Variants in SPATA32 observed in about 807,000 individuals in gnomAD.
SPATA32 encodes spermatogenesis-associated protein 32.
Under a neutral mutation model 35.4 loss-of-function variants are expected in SPATA32, and 28 were observed. The ratio of observed to expected loss-of-function variants is 0.79; its 90% CI spans 0.59 to 1.09. The LOEUF is 1.09. SPATA32 is among the 50% of genes least tolerant of loss of function. The probability of loss-of-function intolerance (pLI) is 0.00; values close to 1 mark genes in which losing one functional copy is unlikely to be tolerated. For synonymous variants in SPATA32, 168 were observed against 196.3 expected, an observed-to-expected ratio of 0.86 and a Z score of 1.20; for missense variants, 409 against 475.9, an observed-to-expected ratio of 0.86 and a Z score of 1.31.
intron 1 of SPATA32, 120 bp from the exon 2 acceptor site, chr17:45,257,327 C>G (rs1425773142): frequency 2.7e-6 from 3 of 1,093,614 alleles, no homozygotes; most frequent in Non-Finnish European, 2.7e-6. Flanking sequence ...GCTATTCCCC[C>G]TCACCGTCCT....
intron 2 of SPATA32, 69 bp downstream of exon 2, chr17:45,257,084 G>A: frequency 6.5e-7 from 1 of 1,543,898 alleles, no homozygotes; most frequent in Non-Finnish European, 8.9e-7. Context: ...GGGATCCTAG[G>A]CTGGGGGTGA....
At position 45,256,153 on chromosome 17, in the gene SPATA32, GC is replaced by G; in HGVS notation, c.109-81del. 6.8e-7 allele frequency: 1 copy of G among 1,469,720 alleles called. No individual in the cohort carries two copies. The highest frequency in any genetic ancestry group is 9.3e-7 in the Non-Finnish European group (1 of 1,074,932). The allele number at this position is 1,469,720 out of a possible 1,614,324, so 91.0% of individuals were successfully genotyped here. ...AGGCCCTCCCTGGCACCGAGTCCCT[GC>G]CCCACCCCTGCCCTGGGTCCTGCTG... On this transcript the variant is annotated intron_variant, in intron 3 of 4. Transcript: ENST00000331780. This position sits in a 1 kb window ranked among gnomAD's most constrained non-coding sequence, Gnocchi z 4.7.
intron 4 of SPATA32, 108 bp from the exon 5 acceptor site, chr17:45,254,621 G>T: frequency 1.1e-6 from 1 of 876,164 alleles, no homozygotes; most frequent in Non-Finnish European, 1.9e-6. Flanking sequence ...GGGGTCTTCT[G>T]CTGCTGCCCG....
chr17:45,261,620 A>AG (rs1272391616), intron 1 of SPATA32, among the ~76,000 whole-genome samples: 1 of 152,260 alleles, frequency 6.6e-6, no homozygotes. Context: ...AGCATCAAGG[A>AG]GGGACAACTG....
Position 45,262,009 on chromosome 17 carries a change from A to G in SPATA32, c.8T>C (p.Val3Ala). 1 of 1,311,410 alleles carries G rather than the reference A, an allele frequency of 7.6e-7. No individual in the cohort carries two copies. Among genetic ancestry groups the G allele is most frequent in the Non-Finnish European group, 9.8e-7 (1 of 1,021,546 alleles). 81.2% of individuals were successfully genotyped at this position (1,311,410 alleles called of 1,614,324 possible). Reference protein sequence around the residue: MGVTGAHGFPCCG... With the variant: MGATGAHGFPCCG... ...GGGCGCTCGGCCGCTCCCACCTGTCACCCCCATGCAGACCGAGGCTCTGTC... is the reference window on the plus strand; with the variant it reads ...GGGCGCTCGGCCGCTCCCACCTGTCGCCCCCATGCAGACCGAGGCTCTGTC... The change falls in exon 1 of 5, where the codon GTG becomes GCG. Residue 3 changes from valine (V) to alanine (A), a missense_variant. By Grantham distance (64) the Val-to-Ala change is moderately conservative (BLOSUM62 0). Transcript: ENST00000331780.
At chr17:45,261,863 C>T in intron 1 of SPATA32, 141 bp downstream of exon 1, 1 of 1,005,574 alleles carries the variant, frequency 9.9e-7, no homozygotes. Context: ...GGTCGACCTG[C>T]CTTTCAGGTG....
At chr17:45,259,563 T>C (rs2043986509) in intron 1 of SPATA32, among the ~76,000 whole-genome samples, 2 of 152,188 alleles carry the variant, frequency 1.3e-5, no homozygotes, top group Non-Finnish European at 2.9e-5. Context: ...GGTCTCACTC[T>C]GTTGCCCAGG....
At chr17:45,259,480 ATTAT>A (rs1366086156) in intron 1 of SPATA32, among the ~76,000 whole-genome samples, 1 of 152,154 alleles carries the variant, frequency 6.6e-6, no homozygotes, top group Non-Finnish European at 1.5e-5. Context: ...GTAATGTTAT[ATTAT>A]TTGAGTGATA....
Position 45,256,071 on chromosome 17 carries a change from C to T in SPATA32, c.111G>A (p.Leu37=). ...SQHQIQEEQE[L]EADMLEQKPQ... Reference sequence around the variant, plus strand: ...GCTTCTGCTCTAGCATGTCTGCCTCCAGCTGAAATGTTTCAACTCAAAGCT... The same window carrying T: ...GCTTCTGCTCTAGCATGTCTGCCTCTAGCTGAAATGTTTCAACTCAAAGCT... The change falls in exon 4 of 5, where the codon CTG becomes CTA. Residue 37 remains leucine (L), a splice_region_variant and synonymous_variant. Transcript: ENST00000331780. This position sits in a 1 kb window ranked among gnomAD's most constrained non-coding sequence, Gnocchi z 4.7. 6.3e-7 allele frequency: 1 copy of T among 1,593,138 alleles called. No homozygotes were observed.
At position 45,255,504 on chromosome 17, in the gene SPATA32, G is replaced by T. The variant is rs776140865; in HGVS notation, c.678C>A (p.Pro226=). Residue 226 remains proline, a synonymous_variant, in exon 4 of 5, where the codon CCC becomes CCA. Transcript: ENST00000331780. The surrounding 1 kb of genome is among the most constrained non-coding windows in gnomAD (Gnocchi z 5.4). ...GTGGCGGGAGATCTGAGGACAGGAG[G>T]GGGCTTGGTGCCTGGGAGCTTGTGG... The part of the protein sequence containing the change: ...PPTTSSQAPS[P]LLSSDLPPPI... The T allele has an allele frequency of 1.2e-6, 2 of 1,614,124 alleles. No individual in the cohort carries two copies. The highest frequency in any genetic ancestry group is 1.7e-6 in the Non-Finnish European group (2 of 1,180,008).
At chr17:45,261,909 G>T in intron 1 of SPATA32, 95 bp downstream of exon 1, 1 of 1,234,044 alleles carries the variant, frequency 8.1e-7, no homozygotes, top group Non-Finnish European at 1.0e-6. Context: ...GGCCCTGGGC[G>T]GATTCCTGAC....
Position 45,257,154 on chromosome 17 carries a change from G to T in SPATA32, c.67C>A (p.Arg23=). 6.2e-7 allele frequency: 1 copy of T among 1,612,042 alleles called. No homozygotes were observed. Among genetic ancestry groups the T allele is most frequent in the Non-Finnish European group, 8.5e-7 (1 of 1,179,608 alleles). ...ACGTTGATTGAGGATGGTTCTCACC[G>T]CATCTCTGCAACCTCCACTGACCCT... ...GKGSVEVAEM[R]DDLSQHQIQE... The change falls in exon 2 of 5, where the codon CGA becomes AGA. Residue 23 remains arginine (R), a splice_region_variant and synonymous_variant. Transcript: ENST00000331780.
chr17:45,254,629 C>T lies in SPATA32; in HGVS notation c.1068-116G>A, dbSNP rs2143715737. On this transcript the variant is annotated intron_variant, in intron 4 of 4. Transcript: ENST00000331780. ...GGGGTAAGGGGTCTTCTGCTGCTGC[C>T]CGCGTCTGGGCAGCTGAGATTACAT... The T allele has an allele frequency of 3.6e-6, 3 of 825,952 alleles. No homozygotes were observed. In the South Asian group the frequency reaches 4.4e-5, roughly 12 times the overall value. 51.2% of individuals were successfully genotyped at this position (825,952 alleles called of 1,614,324 possible). A position where few individuals can be genotyped will look rare whatever the true frequency, so the allele number is the denominator to read the frequency against.
chr17:45,255,359 G>A lies in SPATA32; in HGVS notation c.823C>T (p.Pro275Ser). Residue 275 changes from proline (P) to serine (S), a missense_variant, in exon 4 of 5, where the codon CCT becomes TCT. Pro to Ser is a moderately conservative substitution (Grantham distance 74, BLOSUM62 -1). Transcript: ENST00000331780. This position sits in a 1 kb window ranked among gnomAD's most constrained non-coding sequence, Gnocchi z 5.4. The stretch of plus-strand genomic sequence containing the variant: ...GTGGTCAGGAGGGGCTCTGTGGAAG[G>A]CTCCAGAGCCTCCTGGGGTGGAGCT... The part of the protein sequence containing the change: ...MKAPPQEALE[P>S]STEPLLTTVE... 1 of 1,614,208 alleles carries A rather than the reference G, an allele frequency of 6.2e-7. No individual in the cohort carries two copies. Among genetic ancestry groups the A allele is most frequent in the Non-Finnish European group, 8.5e-7 (1 of 1,180,020 alleles).
intron 1 of SPATA32, among the ~76,000 whole-genome samples, chr17:45,261,224 A>G (rs1034845794): frequency 2.6e-5 from 4 of 151,422 alleles, no homozygotes; most frequent in African/African-American, 9.7e-5. Context: ...CTGGGACTAC[A>G]GGCTCATGCC....
chr17:45,255,962 C>A lies in SPATA32; in HGVS notation c.220G>T (p.Glu74Ter). 6.2e-7 allele frequency: 1 copy of A among 1,614,112 alleles called. No individual in the cohort carries two copies. Among genetic ancestry groups the A allele is most frequent in the South Asian group, 1.1e-5 (1 of 91,086 alleles). The change falls in exon 4 of 5, where the codon GAG (glutamate) becomes TAG (stop). Residue 74 changes from glutamate (E) to a stop codon, truncating the protein, a stop_gained. Transcript: ENST00000331780. LOFTEE classifies it high-confidence loss of function. This position sits in a 1 kb window ranked among gnomAD's most constrained non-coding sequence, Gnocchi z 5.4. The stretch of plus-strand genomic sequence containing the variant: ...TTGAGGGCTGGGTATAGCTCTGACT[C>A]CAGTAAAGCCGGCACCTGTCCGATC... ...LEIGQVPALL[E>*]SELYPALKLE...
rs1163933828 is a variant in SPATA32, at chr17:45,261,986, G to A, written c.13+18C>T. The A allele has an allele frequency of 1.4e-5, 18 of 1,312,628 alleles. No homozygotes were observed. In the East Asian group the frequency reaches 4.8e-4, roughly 35 times the overall value. 81.3% of individuals were successfully genotyped at this position (1,312,628 alleles called of 1,614,324 possible). On this transcript the variant is annotated intron_variant, in intron 1 of 4. Coordinates refer to ENST00000331780, the MANE Select transcript of SPATA32 (RefSeq NM_152343.3). ...CGCCTGCCCCAACCCTCGCCCCCGGGCGCTCGGCCGCTCCCACCTGTCACC... is the reference window on the plus strand; with the variant it reads ...CGCCTGCCCCAACCCTCGCCCCCGGACGCTCGGCCGCTCCCACCTGTCACC...
intron 1 of SPATA32, among the ~76,000 whole-genome samples, chr17:45,261,378 G>A (rs1258945997): frequency 6.6e-6 from 1 of 152,140 alleles, no homozygotes; most frequent in East Asian, 1.9e-4. Flanking sequence ...GAGCCATCAT[G>A]CCCACCTAAT....
intron 1 of SPATA32, among the ~76,000 whole-genome samples, chr17:45,260,347 C>A (rs992720288): frequency 3.9e-5 from 6 of 152,038 alleles, no homozygotes; most frequent in African/African-American, 1.4e-4. Context: ...CTCTCCATAC[C>A]CCACTCTCCT....
Sources: gnomAD v4.1 joint callset for allele counts (sites outside exome capture counted in the v4.1 genomes callset) on GRCh38, gnomAD v4.1.1 for gene constraint, Gnocchi (gnomAD v3.1) non-coding constraint, MANE v1.5 for transcripts, NCBI Gene and HGNC (gene_info 2026-07-23, HGNC 2026-07-21) for gene names.